Variants in NCAPG2 observed in about 807,000 individuals in gnomAD.
NCAPG2 encodes the protein condensin-2 complex subunit G2.
A neutral mutation model predicts 141.1 loss-of-function variants in NCAPG2; 53 were observed. The observed-to-expected ratio is 0.38, with a 90% CI of 0.30 to 0.47. The LOEUF (loss-of-function observed/expected upper bound fraction) is 0.47, where lower values mean the gene tolerates loss of function less well. Among genes scored for constraint, NCAPG2 ranks in the 20% least tolerant of loss-of-function variants. NCAPG2 has a pLI of 0.99. For synonymous variants in NCAPG2, 499 were observed against 490.7 expected, an observed-to-expected ratio of 1.02 and a Z score of -0.22; for missense variants, 1,087 against 1,389.0, an observed-to-expected ratio of 0.78 and a Z score of 3.46.
In NCAPG2 at chr7:158,655,247, T is replaced by G. The variant is rs1261726484; in HGVS notation, c.2517A>C (p.Glu839Asp). ...CCAACATGGACAAATACACCTTTCC[T>G]TCTGAGCAGAACTGTCCAAAAACAA... is the stretch of plus-strand genomic sequence containing the variant. ...SIHLQHKFCS[E>D]GKVYLSMLED... Residue 839 changes from glutamate to aspartate, a missense_variant, in exon 21 of 28, where the codon GAA becomes GAC. Physicochemically the swap from Glu to Asp is conservative, Grantham distance 45. Transcript: ENST00000356309. The G allele has an allele frequency of 1.2e-6, 2 of 1,613,898 alleles. No homozygotes were observed. Among genetic ancestry groups the G allele is most frequent in the African/African-American group, 2.7e-5 (2 of 75,014 alleles).
intron 7 of NCAPG2, among the ~76,000 whole-genome samples, chr7:158,686,997 A>G (rs973706891): frequency 2.6e-5 from 4 of 152,198 alleles, no homozygotes; most frequent in Admixed American, 2.0e-4. Flanking sequence ...CAGATTCCAC[A>G]GGCTCTTCCG....
Position 158,633,282 on chromosome 7 carries a change from C to T in NCAPG2, c.3381-1565G>A, listed in dbSNP as rs1477804775. 1.9e-5 allele frequency among the ~76,000 whole-genome samples: 2 copies of T among 103,002 alleles called. No individual in the cohort carries two copies. The highest frequency in any genetic ancestry group is 1.1e-4 in the Admixed American group (1 of 9,102). The allele number at this position is 103,002 out of a possible 152,430, so 67.6% of individuals were successfully genotyped here. ...TTCTGAGACATCTCTCCAAATTGAC[C>T]TTTCTGGAATTTGACTATCACAGGA... is the stretch of plus-strand genomic sequence containing the variant. On this transcript the variant is annotated intron_variant, in intron 27 of 27. Transcript: ENST00000356309. This position sits in a 1 kb window ranked among gnomAD's most constrained non-coding sequence, Gnocchi z 4.1.
chr7:158,653,385 A>AT (rs1359305705), intron 22 of NCAPG2, among the ~76,000 whole-genome samples: 2,668 of 110,154 alleles, frequency 0.024, 53 homozygotes, highest in South Asian at 0.06. Flanking sequence ...AAATAAAAAA[A>AT]AAAATAATAA....
At chr7:158,647,301 G>GGCCTCT (rs1259880136) in intron 24 of NCAPG2, among the ~76,000 whole-genome samples, 1 of 152,146 alleles carries the variant, frequency 6.6e-6, no homozygotes, top group Non-Finnish European at 1.5e-5. Context: ...GAGCATCCCT[G>GGCCTCT]GCCTCCACCC....
At chr7:158,690,068 T>A (rs1446726862) in intron 5 of NCAPG2, 115 bp from the exon 6 acceptor site, 1 of 1,025,230 alleles carries the variant, frequency 9.8e-7, no homozygotes, top group African/African-American at 1.7e-5. Flanking sequence ...CATCAAAGAT[T>A]AAAAAATAAC....
intron 16 of NCAPG2, among the ~76,000 whole-genome samples, chr7:158,659,936 C>G (rs565696451): frequency 1.3e-5 from 2 of 151,832 alleles, no homozygotes; most frequent in Non-Finnish European, 2.9e-5. Flanking sequence ...ACGGTGAAAC[C>G]ACGTCTCTAC....
At position 158,662,235 on chromosome 7, in the gene NCAPG2, T is replaced by G; in HGVS notation, c.1948A>C (p.Lys650Gln). The G allele has an allele frequency of 6.2e-7, 1 of 1,609,760 alleles. No individual in the cohort carries two copies. Among genetic ancestry groups the G allele is most frequent in the Middle Eastern group, 1.7e-4 (1 of 5,860 alleles). ...NKEAKLYTIN[K>Q]FASVLPEYLK... ...TACTCTGGAAGCACAGAGGCAAACT[T>G]GTTAATCGTGTAAAGTTTGGCCTCT... Residue 650 changes from lysine to glutamine, a missense_variant, in exon 16 of 28, where the codon AAG (lysine) becomes CAG (glutamine). Physicochemically the swap from Lys to Gln is moderately conservative, Grantham distance 53 (BLOSUM62 1). Transcript: ENST00000356309.
At chr7:158,702,876 G>A (rs1258644485) in intron 1 of NCAPG2, among the ~76,000 whole-genome samples, 2 of 152,126 alleles carry the variant, frequency 1.3e-5, no homozygotes, top group Non-Finnish European at 2.9e-5. Flanking sequence ...TCAAATGGCT[G>A]AACTATGAAC....
intron 24 of NCAPG2, among the ~76,000 whole-genome samples, chr7:158,647,674 T>G (rs1434911758): frequency 6.6e-6 from 1 of 152,090 alleles, no homozygotes; most frequent in East Asian, 1.9e-4. Flanking sequence ...GAGATTTCAT[T>G]TAGGCATGAC....
intron 2 of NCAPG2, among the ~76,000 whole-genome samples, chr7:158,694,056 C>A (rs1835287485): frequency 6.6e-6 from 1 of 152,132 alleles, no homozygotes; most frequent in Non-Finnish European, 1.5e-5. Flanking sequence ...AAATTTGGAA[C>A]AATGTGAGCA....
Position 158,675,726 on chromosome 7 carries a change from G to A in NCAPG2, c.1147-70C>T, listed in dbSNP as rs565901729. On this transcript the variant is annotated intron_variant, in intron 11 of 27. Transcript: ENST00000356309. Reference sequence around the variant, plus strand: ...CCCGAAATCCACATCTGCTTCACACGTGAGCACTTCAGGGATTCGTAACTT... The same window carrying A: ...CCCGAAATCCACATCTGCTTCACACATGAGCACTTCAGGGATTCGTAACTT... 1.8e-5 allele frequency: 26 copies of A among 1,481,156 alleles called. 1 individual carries two copies. The highest frequency in any genetic ancestry group is 1.1e-4 in the East Asian group (5 of 43,598). The allele number at this position is 1,481,156 out of a possible 1,614,324, so 91.8% of individuals were successfully genotyped here.
chr7:158,648,777 C>T (rs77537601), intron 24 of NCAPG2, among the ~76,000 whole-genome samples: 2 of 16,968 alleles, frequency 1.2e-4, no homozygotes, highest in African/African-American at 3.3e-4. Context: ...CCAAATGGAC[C>T]ACAACCACGC....
chr7:158,678,683 G>A (rs1033468436), intron 11 of NCAPG2, among the ~76,000 whole-genome samples: 10 of 148,034 alleles, frequency 6.8e-5, no homozygotes, highest in African/African-American at 2.0e-4. Context: ...GCACGACTCT[G>A]TCTCTAAAAT....
At chr7:158,688,629 C>A (rs920595652) in intron 6 of NCAPG2, among the ~76,000 whole-genome samples, 3 of 152,184 alleles carry the variant, frequency 2.0e-5, no homozygotes, top group Non-Finnish European at 4.4e-5. Context: ...GCCTGGGCTG[C>A]GGTTTGATAC....
intron 24 of NCAPG2, among the ~76,000 whole-genome samples, chr7:158,649,981 C>T (rs1831357657): frequency 6.6e-6 from 1 of 152,236 alleles, no homozygotes; most frequent in Admixed American, 6.5e-5. Context: ...ATCTTCAATT[C>T]ATCTACAGCT....
At chr7:158,638,640 T>C (rs1029042249) in intron 27 of NCAPG2, among the ~76,000 whole-genome samples, 1 of 152,190 alleles carries the variant, frequency 6.6e-6, no homozygotes, top group African/African-American at 2.4e-5. Flanking sequence ...TCTAAACTTA[T>C]ATGCACCTAA....
chr7:158,683,840 A>AG (rs1451078740), intron 8 of NCAPG2, among the ~76,000 whole-genome samples: 1 of 152,246 alleles, frequency 6.6e-6, no homozygotes. Context: ...AAGATATTTC[A>AG]GGGCCACTGT....
At chr7:158,688,769 G>A (rs1018713074) in intron 6 of NCAPG2, among the ~76,000 whole-genome samples, 5 of 152,248 alleles carry the variant, frequency 3.3e-5, no homozygotes, top group African/African-American at 1.2e-4. Flanking sequence ...AAGACCCTGG[G>A]AGCCAAAGGT....
intron 26 of NCAPG2, among the ~76,000 whole-genome samples, 198 bp downstream of exon 26, chr7:158,645,321 T>A (rs1225699853): frequency 6.6e-6 from 1 of 152,058 alleles, no homozygotes; most frequent in Non-Finnish European, 1.5e-5. Flanking sequence ...TAAAAACAGA[T>A]GCAGGGTGGG....
Sources: allele counts gnomAD v4.1 joint callset (sites outside exome capture counted in the v4.1 genomes callset), GRCh38; gene constraint gnomAD v4.1.1; non-coding constraint Gnocchi (gnomAD v3.1); transcripts MANE v1.5; gene names NCBI Gene and HGNC (gene_info 2026-07-23, HGNC 2026-07-21).